The following ZFHX4 variants were observed in gnomAD, a reference collection of about 807,000 sequenced individuals.
ZFHX4 encodes zinc finger homeobox 4.
In ZFHX4, 56 loss-of-function variants were observed where a neutral mutation model predicts 267.6. The observed-to-expected ratio is 0.21, with a 90% confidence interval of 0.17 to 0.26. The LOEUF is 0.26. Among genes scored for constraint, ZFHX4 ranks in the 10% least tolerant of loss-of-function variants. The pLI is 1.00. For missense variants in ZFHX4, 4,332 were observed against 4,420.0 expected, an observed-to-expected ratio of 0.98 and a Z score of 0.56; for synonymous variants, 1,778 against 1,665.6, an observed-to-expected ratio of 1.07 and a Z score of -1.64.
rs765357495 is a variant in ZFHX4 at position 76,707,553 on chromosome 8, T to A, written c.2598T>A (p.Asn866Lys). The A allele has an allele frequency of 2.8e-4, 436 of 1,572,612 alleles. No individual in the cohort carries two copies. The highest frequency in any genetic ancestry group is 3.5e-4 in the Non-Finnish European group (401 of 1,157,900). ...AATTTTTTTTTCCTGTAGTAAATAA[T>A]GAGCTGCCGCCTGAAATCCGGCTTG... ...AAALAPGLVN[N>K]ELPPEIRLAS... Residue 866 changes from asparagine (N) to lysine (K), a missense_variant, in exon 3 of 11, where the codon AAT (asparagine) becomes AAA (lysine). This residue lies in a region of ZFHX4 where 1,195 missense variants were observed against 1,173.6 expected (regional missense o/e 1.02). Transcript: ENST00000651372.
chr8:76,851,532 A>G lies in ZFHX4; in HGVS notation c.4611A>G (p.Pro1537=), dbSNP rs758030842. The G allele has an allele frequency of 1.5e-5, 24 of 1,613,818 alleles. No homozygotes were observed. The highest frequency in any genetic ancestry group is 7.7e-5 in the South Asian group (7 of 91,090). The change falls in exon 10 of 11, where the codon CCA becomes CCG. Residue 1537 remains proline (P), a synonymous_variant. Coordinates refer to ENST00000651372, the MANE Select transcript of ZFHX4 (RefSeq NM_024721.5). ...TTACGATGGAAAAATTCCTTGATCC[A>G]TCTCGTCCATATAAATGTACAGTGT... ...PNFTMEKFLD[P]SRPYKCTVCK...
At chr8:76,764,983 G>A (rs903194235) in intron 3 of ZFHX4, among the ~76,000 whole-genome samples, 3 of 152,026 alleles carry the variant, frequency 2.0e-5, no homozygotes, top group African/African-American at 4.8e-5. Flanking sequence ...TTCTTAAAAG[G>A]TGAGGACTAA....
At chr8:76,747,299 G>T (rs774155961) in intron 3 of ZFHX4, among the ~76,000 whole-genome samples, 1 of 152,028 alleles carries the variant, frequency 6.6e-6, no homozygotes, top group African/African-American at 2.4e-5. Flanking sequence ...TAGGTTCAGG[G>T]GGTACATGTA....
chr8:76,801,849 A>C (rs1031893163), intron 4 of ZFHX4, among the ~76,000 whole-genome samples: 3 of 152,168 alleles, frequency 2.0e-5, no homozygotes, highest in African/African-American at 7.2e-5. Flanking sequence ...CGTGGCAGTA[A>C]ATGAAAAACA....
intron 10 of ZFHX4, among the ~76,000 whole-genome samples, chr8:76,860,570 G>A (rs1812839263): frequency 6.6e-6 from 1 of 151,914 alleles, no homozygotes; most frequent in South Asian, 2.1e-4. Context: ...TCAGATTTAG[G>A]GGGGAAATTA....
chr8:76,695,841 A>G (rs1262033998), intron 1 of ZFHX4, among the ~76,000 whole-genome samples: 1 of 152,188 alleles, frequency 6.6e-6, no homozygotes, highest in African/African-American at 2.4e-5. Context: ...TAAATGTATA[A>G]TTATCATTGC....
chr8:76,707,626 G>C lies in ZFHX4; in HGVS notation c.2671G>C (p.Glu891Gln), dbSNP rs61729525. Residue 891 changes from glutamate (E) to glutamine (Q), a missense_variant, in exon 3 of 11, where the codon GAG becomes CAG. By Grantham distance (29) the Glu-to-Gln change is conservative. Coordinates refer to ENST00000651372, the MANE Select transcript of ZFHX4 (RefSeq NM_024721.5). ...TGACCTGTCCCTCCTTACTGCAGGA[G>C]AGCTGTCACCTTATATCAGTGACCC... ...GDDLSLLTAG[E>Q]LSPYISDPAL... 1 of 1,613,816 alleles carries C rather than the reference G, an allele frequency of 6.2e-7. No individual in the cohort carries two copies.
chr8:76,830,031 T>C (rs1465773101), intron 4 of ZFHX4, among the ~76,000 whole-genome samples: 1 of 152,184 alleles, frequency 6.6e-6, no homozygotes. Context: ...TGTATCATTG[T>C]GGTTAAGAGA....
At chr8:76,821,206 C>T (rs1026863423) in intron 4 of ZFHX4, among the ~76,000 whole-genome samples, 1 of 152,126 alleles carries the variant, frequency 6.6e-6, no homozygotes, top group Admixed American at 6.6e-5. Context: ...CTAGCTCATT[C>T]CCATCATCAT....
chr8:76,686,800 T>C (rs1807703089), intron 1 of ZFHX4, among the ~76,000 whole-genome samples: 1 of 152,232 alleles, frequency 6.6e-6, no homozygotes, highest in South Asian at 2.1e-4. Flanking sequence ...TCATTTTCCT[T>C]ATCCCTGGTC....
chr8:76,772,752 C>T (rs2131754917), intron 3 of ZFHX4, among the ~76,000 whole-genome samples: 1 of 152,264 alleles, frequency 6.6e-6, no homozygotes, highest in South Asian at 2.1e-4. Flanking sequence ...ATTCAATGTA[C>T]TTCATCCTCT....
chr8:76,741,163 C>G (rs941105147), intron 3 of ZFHX4, among the ~76,000 whole-genome samples: 7 of 152,088 alleles, frequency 4.6e-5, no homozygotes, highest in African/African-American at 2.4e-5. Context: ...TGAAGTGCAG[C>G]AAATGCTATA....
intron 3 of ZFHX4, among the ~76,000 whole-genome samples, chr8:76,745,967 C>T (rs1809448466): frequency 6.6e-6 from 1 of 152,196 alleles, no homozygotes; most frequent in Non-Finnish European, 1.5e-5. Context: ...GAGCCAAGTA[C>T]AGCATTGCTA....
Position 76,705,572 on chromosome 8 carries a change from T to C in ZFHX4, c.1484T>C (p.Ile495Thr), listed in dbSNP as rs773407175. 6 of 1,613,700 alleles carry C rather than the reference T, an allele frequency of 3.7e-6. No individual in the cohort carries two copies. In the South Asian group the frequency reaches 5.5e-5, roughly 15 times the overall value. Residue 495 changes from isoleucine (I) to threonine (T), a missense_variant, in exon 2 of 11, where the codon ATT (isoleucine) becomes ACT (threonine). Physicochemically the swap from Ile to Thr is moderately conservative, Grantham distance 89. Coordinates refer to ENST00000651372, the MANE Select transcript of ZFHX4 (RefSeq NM_024721.5). ...GTATTAGGTGAACTCACCGATAGTA[T>C]TGGTAACAAAGATTTCCCTCTCTTA... Reference protein sequence around the residue: ...EEVLGELTDSIGNKDFPLLNQ... With the variant: ...EEVLGELTDSTGNKDFPLLNQ...
rs117195815 is a variant in ZFHX4 at position 76,741,609 on chromosome 8, G to A, written c.3093+33561G>A. ...AATGTATCTTTTGGGCAGAAACAAGGCAAGTTTGTATTTGGCGGGAAGAAC... is the reference window on the plus strand; with the variant it reads ...AATGTATCTTTTGGGCAGAAACAAGACAAGTTTGTATTTGGCGGGAAGAAC... On this transcript the variant is annotated intron_variant, in intron 3 of 10. Coordinates refer to ENST00000651372, the MANE Select transcript of ZFHX4 (RefSeq NM_024721.5). 4.8e-3 allele frequency among the ~76,000 whole-genome samples: 732 copies of A among 152,242 alleles called. 5 individuals carry two copies. The highest frequency in any genetic ancestry group is 0.017 in the Admixed American group (257 of 15,276).
At position 76,851,073 on chromosome 8, in the gene ZFHX4, G is replaced by A; in HGVS notation, c.4152G>A (p.Arg1384=). 2 of 1,613,942 alleles carry A rather than the reference G, an allele frequency of 1.2e-6. No individual in the cohort carries two copies. The highest frequency in any genetic ancestry group is 8.5e-7 in the Non-Finnish European group (1 of 1,179,868). Residue 1384 remains arginine, a synonymous_variant, in exon 10 of 11, where the codon AGG becomes AGA. Coordinates refer to ENST00000651372, the MANE Select transcript of ZFHX4 (RefSeq NM_024721.5). ...ATCAATTAAATGAACAGCAAAAAAG[G>A]CAACCGCTCTCTGTTTCTGACCGTC... ...LQDQLNEQQK[R]QPLSVSDRHV... is the part of the protein sequence containing the mutation.
intron 6 of ZFHX4, among the ~76,000 whole-genome samples, chr8:76,848,426 A>G (rs1030831325): frequency 6.6e-6 from 1 of 152,198 alleles, no homozygotes; most frequent in Non-Finnish European, 1.5e-5. Flanking sequence ...TGTACAGCCA[A>G]CTGCTGAAAT....
At chr8:76,847,777 G>A (rs142254261) in intron 6 of ZFHX4, among the ~76,000 whole-genome samples, 1 of 151,460 alleles carries the variant, frequency 6.6e-6, no homozygotes, top group East Asian at 1.9e-4. Flanking sequence ...TAACATCCTT[G>A]ACCTTATTTC....
At position 76,835,243 on chromosome 8, in the gene ZFHX4, A is replaced by ATATATATGTATATATATATATG. The variant is rs1554572191; in HGVS notation, c.3394+1844_3394+1845insGTATATATATATATGTATATAT. On this transcript the variant is annotated intron_variant, in intron 5 of 10. Coordinates refer to ENST00000651372, the MANE Select transcript of ZFHX4 (RefSeq NM_024721.5). The stretch of plus-strand genomic sequence containing the variant: ...TGTATATATATATATATATATATGT[A>ATATATATGTATATATATATATG]TATATATATATATATATTCATACAT... Among the ~76,000 whole-genome samples the ATATATATGTATATATATATATG allele has an allele frequency of 4.4e-3, 451 of 102,540 alleles. 11 individuals are homozygous for ATATATATGTATATATATATATG. Among genetic ancestry groups the ATATATATGTATATATATATATG allele is most frequent in the Non-Finnish European group, 5.4e-3 (286 of 52,490 alleles). 67.3% of individuals were successfully genotyped at this position (102,540 alleles called of 152,430 possible).
Sources: allele counts gnomAD v4.1 joint callset (sites outside exome capture counted in the v4.1 genomes callset), GRCh38; gene constraint gnomAD v4.1.1; regional missense constraint gnomAD v4.1.1; transcripts MANE v1.5; gene names NCBI Gene and HGNC (gene_info 2026-07-23, HGNC 2026-07-21).